SLC7A7: variants seen among roughly 807,000 people sequenced by gnomAD.
The protein encoded by SLC7A7 is Y+L amino acid transporter 1.
In SLC7A7, 39 loss-of-function variants were observed where a neutral mutation model predicts 47.9. The ratio of observed to expected loss-of-function variants is 0.81; its 90% CI spans 0.63 to 1.06. The LOEUF (loss-of-function observed/expected upper bound fraction) is 1.06. Ranked by LOEUF, SLC7A7 falls within the 50% of genes least tolerant of loss-of-function variation. The pLI, the probability that SLC7A7 is intolerant of heterozygous loss-of-function variation, is 0.00. For synonymous variants in SLC7A7, 234 were observed against 242.8 expected, an observed-to-expected ratio of 0.96 and a Z score of 0.34; for missense variants, 588 against 632.0, an observed-to-expected ratio of 0.93 and a Z score of 0.75.
At chr14:22,804,437 T>G (rs2039167004) in intron 2 of SLC7A7, among the ~76,000 whole-genome samples, 1 of 152,122 alleles carries the variant, frequency 6.6e-6, no homozygotes, top group Non-Finnish European at 1.5e-5. Context: ...CTCTACAGAA[T>G]GGGAGAAAAT....
In SLC7A7 at chr14:22,811,838, C is replaced by T. The variant is rs550105166; in HGVS notation, c.499+1062G>A. ...CTCAAGCCTGGGCGACAGAGTGACTCTATCTCAAAAAAAAAAAAAAAAAAA... is the reference window on the plus strand; with the variant it reads ...CTCAAGCCTGGGCGACAGAGTGACTTTATCTCAAAAAAAAAAAAAAAAAAA... On this transcript the variant is annotated intron_variant, in intron 2 of 9. Coordinates refer to ENST00000674313, the MANE Select transcript of SLC7A7 (RefSeq NM_003982.4). Among the ~76,000 whole-genome samples, 10 of 75,562 alleles carry T rather than the reference C, an allele frequency of 1.3e-4. No homozygotes were observed. In the South Asian group the frequency reaches 6.9e-3, roughly 52 times the overall value. 49.6% of individuals were successfully genotyped at this position (75,562 alleles called of 152,430 possible).
chr14:22,814,037 G>A (rs1156273283), intron 1 of SLC7A7, among the ~76,000 whole-genome samples: 7 of 151,326 alleles, frequency 4.6e-5, no homozygotes, highest in Admixed American at 1.3e-4. Context: ...TTATCCGCCC[G>A]CCTCGGCCTC....
chr14:22,775,859 G>A lies in SLC7A7; in HGVS notation c.972C>T (p.Leu324=). The A allele has an allele frequency of 3.1e-6, 5 of 1,614,030 alleles. No homozygotes were observed. The highest frequency in any genetic ancestry group is 4.2e-6 in the Non-Finnish European group (5 of 1,179,900). The part of the protein sequence containing the change: ...LSVALSCFGG[L]NASIVAASRL... Reference sequence around the variant, plus strand: ...TAGAAGCAGCCACAATGGAGGCATTGAGGCCACCAAAACAGGATAATGCAA... The same window carrying A: ...TAGAAGCAGCCACAATGGAGGCATTAAGGCCACCAAAACAGGATAATGCAA... Residue 324 remains leucine (L), a synonymous_variant, in exon 6 of 10, where the codon CTC becomes CTT. Coordinates refer to ENST00000674313, the MANE Select transcript of SLC7A7 (RefSeq NM_003982.4).
At chr14:22,807,947 A>G (rs1448110400) in intron 2 of SLC7A7, among the ~76,000 whole-genome samples, 1 of 152,142 alleles carries the variant, frequency 6.6e-6, no homozygotes, top group African/African-American at 2.4e-5. Flanking sequence ...AGTTCGCCTG[A>G]GGTTAGGAGT....
chr14:22,780,244 A>C, intron 2 of SLC7A7, 193 bp from the exon 3 acceptor site: 2 of 591,044 alleles, frequency 3.4e-6, no homozygotes, highest in South Asian at 1.9e-5. Context: ...AGGCCTCTAT[A>C]CTCCCCACCC....
intron 1 of SLC7A7, among the ~76,000 whole-genome samples, chr14:22,814,273 C>T (rs1172989777): frequency 1.3e-5 from 2 of 151,466 alleles, no homozygotes; most frequent in Non-Finnish European, 2.9e-5. Flanking sequence ...CACCTAAAGT[C>T]GGGAGTTCGA....
Position 22,773,937 on chromosome 14 carries a change from G to A in SLC7A7, c.1425C>T (p.Ile475=), listed in dbSNP as rs373156106. Residue 475 remains isoleucine (I), a synonymous_variant, in exon 9 of 10, where the codon ATC becomes ATT. Coordinates refer to ENST00000674313, the MANE Select transcript of SLC7A7 (RefSeq NM_003982.4). ...EHKRPLYLRR[I]VGSATRYLQV... is the part of the protein sequence containing the mutation. ...ACTTAAGGATGCACGGCTTACCCAC[G>A]ATCCTTCGGAGGTAAAGCGGTCGCT... is the stretch of plus-strand genomic sequence containing the variant. 1.8e-5 allele frequency: 29 copies of A among 1,614,054 alleles called. No individual in the cohort carries two copies. The African/African-American group carries it at 2.4e-4, about 13-fold the overall frequency.
chr14:22,773,591 T>C lies in SLC7A7; in HGVS notation c.*19A>G. The C allele has an allele frequency of 6.3e-7, 1 of 1,599,774 alleles. No individual in the cohort carries two copies. ...AGACCAGAAACCCCTGCTTTCCACATCAGGATTCCAGATGGTGTTTAGTTA... is the reference window on the plus strand; with the variant it reads ...AGACCAGAAACCCCTGCTTTCCACACCAGGATTCCAGATGGTGTTTAGTTA... On this transcript the variant is annotated 3_prime_UTR_variant, in exon 10 of 10. Transcript: ENST00000674313.
intron 2 of SLC7A7, among the ~76,000 whole-genome samples, chr14:22,792,475 G>C (rs773556077): frequency 1.3e-5 from 2 of 152,090 alleles, no homozygotes; most frequent in African/African-American, 2.4e-5. Context: ...AGGTGGGAAG[G>C]TCACTTGAGT....
upstream of SLC7A7, among the ~76,000 whole-genome samples, chr14:22,818,024 C>CAAAAAAAAAAA (rs775030790): frequency 7.2e-6 from 1 of 139,328 alleles, no homozygotes; most frequent in African/African-American, 2.6e-5. Flanking sequence ...CTAAAGCAAA[C>CAAAAAAAAAAA]AAAAAAAAAA....
chr14:22,786,349 C>T (rs2038817586), intron 2 of SLC7A7, among the ~76,000 whole-genome samples: 1 of 152,080 alleles, frequency 6.6e-6, no homozygotes, highest in Non-Finnish European at 1.5e-5. Flanking sequence ...ATCCTGTCCC[C>T]TTGAGTCTTT....
At chr14:22,792,991 A>G (rs1197717716) in intron 2 of SLC7A7, among the ~76,000 whole-genome samples, 28 of 146,058 alleles carry the variant, frequency 1.9e-4, no homozygotes, top group Admixed American at 1.6e-3. Context: ...ATCTTGGCTC[A>G]CTGCAACCTC....
intron 7 of SLC7A7, 64 bp from the exon 8 acceptor site, chr14:22,774,567 C>A (rs2038558383): frequency 1.2e-6 from 2 of 1,603,260 alleles, no homozygotes; most frequent in Admixed American, 1.7e-5. Flanking sequence ...CTTTTCACTC[C>A]CTTTATACCC....
intron 2 of SLC7A7, among the ~76,000 whole-genome samples, chr14:22,781,521 G>C (rs1165736326): frequency 2.0e-5 from 3 of 152,016 alleles, no homozygotes; most frequent in African/African-American, 7.2e-5. Context: ...TTATCACAGG[G>C]CTGGGCAAAA....
At chr14:22,775,730 G>A (rs1447533452) in intron 6 of SLC7A7, 103 bp downstream of exon 6, 3 of 963,172 alleles carry the variant, frequency 3.1e-6, no homozygotes, top group South Asian at 2.6e-5. Context: ...AGAGGTTGTG[G>A]TATCGGTTGG....
chr14:22,774,076 A>G lies in SLC7A7; in HGVS notation c.1286T>C (p.Ile429Thr), dbSNP rs777629036. The G allele has an allele frequency of 4.3e-6, 7 of 1,614,218 alleles. No homozygotes were observed. In the South Asian group the frequency reaches 5.5e-5, roughly 13 times the overall value. ...FFPIVFCLCT[I>T]FLVAVPLYSD... The stretch of plus-strand genomic sequence containing the variant: ...GTAAAGTGGAACAGCCACCAGGAAG[A>G]TGGTGCAGAGGCAGAAGACAATCGG... The change falls in exon 9 of 10, where the codon ATC (isoleucine) becomes ACC (threonine). Residue 429 changes from isoleucine (I) to threonine (T), a missense_variant. Physicochemically the swap from Ile to Thr is moderately conservative, Grantham distance 89. Coordinates refer to ENST00000674313, the MANE Select transcript of SLC7A7 (RefSeq NM_003982.4).
At chr14:22,774,289 T>C in intron 8 of SLC7A7, 65 bp downstream of exon 8, 2 of 1,612,182 alleles carry the variant, frequency 1.2e-6, no homozygotes, top group Non-Finnish European at 1.7e-6. Flanking sequence ...TGCTTTGTCA[T>C]AGTCCCTTGT....
chr14:22,773,447 T>C lies in SLC7A7; in HGVS notation c.*163A>G, dbSNP rs1006053484. ...CTGGAACAGTATGTAGCAAAACAAA[T>C]AAATTACTTTTCATTTCAAAAAGTA... On this transcript the variant is annotated 3_prime_UTR_variant, in exon 10 of 10. Transcript: ENST00000674313. 7.0e-6 allele frequency: 5 copies of C among 715,306 alleles called. No individual in the cohort carries two copies. The highest frequency in any genetic ancestry group is 1.7e-5 in the African/African-American group (1 of 57,322). The allele number at this position is 715,306 out of a possible 1,614,324, so 44.3% of individuals were successfully genotyped here.
intron 2 of SLC7A7, among the ~76,000 whole-genome samples, chr14:22,801,905 A>C (rs997388405): frequency 6.6e-6 from 1 of 152,246 alleles, no homozygotes; most frequent in African/African-American, 2.4e-5. Flanking sequence ...CAGTGCAGGG[A>C]ACGTGGCAAC....
Sources: allele counts gnomAD v4.1 joint callset (sites outside exome capture counted in the v4.1 genomes callset), GRCh38; gene constraint gnomAD v4.1.1; transcripts MANE v1.5; gene names NCBI Gene and HGNC (gene_info 2026-07-23, HGNC 2026-07-21).